Variants in PAK3 observed in about 807,000 individuals in gnomAD.
PAK3 encodes the protein serine/threonine-protein kinase PAK 3.
PAK3 carries 4 observed loss-of-function variants against 41.0 expected under a neutral mutation model. The ratio of observed to expected loss-of-function variants is 0.10; its 90% CI spans 0.05 to 0.22. PAK3 has a LOEUF of 0.22. PAK3 is among the 10% of genes least tolerant of loss of function. The pLI is 1.00. For missense variants in PAK3, 205 were observed against 409.9 expected (o/e 0.50, Z 4.32); for synonymous variants, 146 against 139.6 (o/e 1.05, Z -0.32).
At chrX:111,070,666 A>C (rs779656090) in intron 1 of PAK3, among the ~76,000 whole-genome samples, 57 of 112,108 alleles carry the variant, frequency 5.1e-4, no homozygotes, top group Non-Finnish European at 8.1e-4. Flanking sequence ...CTTTGAGGCT[A>C]CCTGATGTAG....
At position 110,986,178 on chromosome X, in the gene PAK3, G is replaced by A. The variant is rs1223037175; in HGVS notation, c.-28+41550G>A. ...AAGCCAGCCTCACCAAACTAAAAGGGAGTTGCAACCACAAAGCAAATTTAA... is the reference window on the plus strand; with the variant it reads ...AAGCCAGCCTCACCAAACTAAAAGGAAGTTGCAACCACAAAGCAAATTTAA... On this transcript the variant is annotated intron_variant, in intron 1 of 14. Transcript: ENST00000425146. 3.1e-4 allele frequency among the ~76,000 whole-genome samples: 35 copies of A among 112,121 alleles called. No homozygotes were observed. The Admixed American group carries it at 3.3e-3, about 11-fold the overall frequency.
At chrX:111,127,679 CTT>C (rs777279143) in intron 5 of PAK3, among the ~76,000 whole-genome samples, 12 of 111,278 alleles carry the variant, frequency 1.1e-4, no homozygotes, top group African/African-American at 3.9e-4. Flanking sequence ...TCAGGTTTCT[CTT>C]TTGTTGGCTA....
intron 10 of PAK3, among the ~76,000 whole-genome samples, chrX:111,166,330 G>A (rs190691834): frequency 4.5e-5 from 5 of 111,510 alleles, no homozygotes; most frequent in Admixed American, 3.8e-4. Flanking sequence ...GAGAGATAAC[G>A]TCTGGCTCTG....
At chrX:111,215,089 T>C (rs1338516060) in intron 16 of PAK3, among the ~76,000 whole-genome samples, 1 of 112,001 alleles carries the variant, frequency 8.9e-6, no homozygotes, top group Non-Finnish European at 1.9e-5. Context: ...CTTGGCCCAC[T>C]GTACTGTAGC....
Position 111,163,676 on chromosome X carries a change from C to T in PAK3, c.715C>T (p.Arg239Trp). The change falls in exon 10 of 18, where the codon CGG becomes TGG. Residue 239 changes from arginine (R) to tryptophan (W), a missense_variant. Coordinates refer to ENST00000372007, the MANE Select transcript of PAK3 (RefSeq NM_002578.5). ...NSSTLYRNTD[R>W]QRKKSKMTDE... ...CAGTACTTTGTACAGGAACACAGAT[C>T]GGCAAAGAAAAAAATCCAAGATGAC... 1.7e-6 allele frequency: 2 copies of T among 1,203,941 alleles called. No individual in the cohort carries two copies. Among genetic ancestry groups the T allele is most frequent in the East Asian group, 3.0e-5 (1 of 33,773 alleles).
chrX:111,142,705 G>C (rs931905390), intron 6 of PAK3, among the ~76,000 whole-genome samples: 1 of 111,217 alleles, frequency 9.0e-6, no homozygotes. Flanking sequence ...GGTATATTTT[G>C]TAGATTTTCA....
At chrX:111,119,022 A>G (rs2093519936) in intron 4 of PAK3, among the ~76,000 whole-genome samples, 1 of 111,425 alleles carries the variant, frequency 9.0e-6, no homozygotes, top group Non-Finnish European at 1.9e-5. Flanking sequence ...GTCACTCTGT[A>G]TGTGTTCTTG....
chrX:111,176,544 C>T (rs899004280), intron 11 of PAK3, among the ~76,000 whole-genome samples: 1 of 111,607 alleles, frequency 9.0e-6, no homozygotes, highest in African/African-American at 3.3e-5. Flanking sequence ...CTAGCTATCT[C>T]TTTCCTCTGT....
intron 1 of PAK3, among the ~76,000 whole-genome samples, chrX:111,060,439 C>T (rs750146739): frequency 9.9e-5 from 11 of 111,552 alleles, no homozygotes; most frequent in Non-Finnish European, 2.1e-4. Context: ...ATACTGGCCT[C>T]ACGGACTGGG....
intron 1 of PAK3, among the ~76,000 whole-genome samples, chrX:111,073,642 CA>C (rs2092762991): frequency 9.0e-6 from 1 of 111,426 alleles, no homozygotes; most frequent in Non-Finnish European, 1.9e-5. Flanking sequence ...ATATAATCTA[CA>C]AATGTTAAAT....
At chrX:111,000,212 C>T (rs2091823859) in intron 1 of PAK3, among the ~76,000 whole-genome samples, 1 of 111,490 alleles carries the variant, frequency 9.0e-6, no homozygotes, top group Non-Finnish European at 1.9e-5. Context: ...AATATGGATG[C>T]CTGTTGGTTT....
upstream of PAK3, among the ~76,000 whole-genome samples, chrX:111,096,133 A>C (rs775171778): frequency 8.9e-6 from 1 of 112,173 alleles, no homozygotes; most frequent in South Asian, 3.7e-4. Context: ...TAAGGTGCAG[A>C]GCTCGGGTGA....
intron 1 of PAK3, among the ~76,000 whole-genome samples, chrX:111,087,769 A>AC (rs2092900820): frequency 1.8e-4 from 1 of 5,444 alleles, no homozygotes; most frequent in African/African-American, 2.0e-4. Context: ...AAAAAAACAA[A>AC]AAAAAAAAAA....
At chrX:110,999,649 G>A (rs1010772483) in intron 1 of PAK3, among the ~76,000 whole-genome samples, 15 of 105,448 alleles carry the variant, frequency 1.4e-4, no homozygotes, top group Admixed American at 9.2e-4. Flanking sequence ...TGGTGGTGGT[G>A]GTAGTGGTAT....
intron 4 of PAK3, among the ~76,000 whole-genome samples, chrX:111,119,205 A>G (rs1003964480): frequency 2.7e-5 from 3 of 112,097 alleles, no homozygotes; most frequent in African/African-American, 9.7e-5. Context: ...GATGAATTGC[A>G]AGTGTAATTA....
chrX:111,152,611 T>G (rs1603306529), intron 8 of PAK3, 164 bp downstream of exon 8: 1 of 420,616 alleles, frequency 2.4e-6, no homozygotes, highest in East Asian at 4.3e-5. Context: ...AACAGTTCAA[T>G]GAGTTTTGGT....
chrX:110,993,713 T>A (rs779293801), intron 1 of PAK3, among the ~76,000 whole-genome samples: 70 of 112,105 alleles, frequency 6.2e-4, no homozygotes, highest in Non-Finnish European at 1.2e-3. Flanking sequence ...ATGAAGGTGA[T>A]CTAAGATAGG....
chrX:110,973,898 A>T (rs866717567), intron 1 of PAK3, among the ~76,000 whole-genome samples: 21 of 112,026 alleles, frequency 1.9e-4, no homozygotes, highest in South Asian at 7.6e-4. Flanking sequence ...AGCAAAAAAA[A>T]GCAGGGGTTG....
In PAK3 at chrX:111,064,327, C is replaced by T. The variant is rs768718988; in HGVS notation, c.-27-58750C>T. Among the ~76,000 whole-genome samples the T allele has an allele frequency of 8.0e-4, 88 of 110,646 alleles. 1 individual carries two copies. Among genetic ancestry groups the T allele is most frequent in the African/African-American group, 2.7e-3 (83 of 30,399 alleles). ...ACTTTTATTTTAGATTCTGGGGGTA[C>T]ATGTGCAGGTTTGTTATCTGGGTAT... On this transcript the variant is annotated intron_variant, in intron 1 of 14. Coordinates refer to the PAK3 transcript ENST00000425146.
Sources: gnomAD v4.1 joint callset for allele counts (sites outside exome capture counted in the v4.1 genomes callset) on GRCh38, gnomAD v4.1.1 for gene constraint, MANE v1.5 for transcripts, NCBI Gene and HGNC (gene_info 2026-07-23, HGNC 2026-07-21) for gene names.